Variants in MAML2 observed in about 807,000 individuals in gnomAD.
The protein encoded by MAML2 is mastermind-like protein 2.
Under a neutral mutation model 96.1 loss-of-function variants are expected in MAML2, and 22 were observed. The ratio of observed to expected loss-of-function variants is 0.23; its 90% CI spans 0.16 to 0.33. The LOEUF (loss-of-function observed/expected upper bound fraction) is 0.33. Ranked by LOEUF, MAML2 falls within the 10% of genes least tolerant of loss-of-function variation. The probability of loss-of-function intolerance (pLI) is 1.00; values close to 1 mark genes in which losing one functional copy is unlikely to be tolerated. For synonymous variants in MAML2, 561 were observed against 521.3 expected (o/e 1.08, Z -1.04); for missense variants, 1,367 against 1,392.4 (o/e 0.98, Z 0.29).
At chr11:96,221,934 A>G (rs974517851) in intron 1 of MAML2, among the ~76,000 whole-genome samples, 2 of 151,996 alleles carry the variant, frequency 1.3e-5, no homozygotes, top group Admixed American at 6.6e-5. Flanking sequence ...TTCATTCCCT[A>G]TTTCCAATAC....
chr11:96,149,002 G>A (rs1277001615), intron 1 of MAML2, among the ~76,000 whole-genome samples: 3 of 152,224 alleles, frequency 2.0e-5, no homozygotes, highest in East Asian at 1.9e-4. Flanking sequence ...CTTAAACCTC[G>A]TCACTTTAGG....
At chr11:96,068,809 G>C (rs1389396383) in intron 2 of MAML2, among the ~76,000 whole-genome samples, 2 of 141,302 alleles carry the variant, frequency 1.4e-5, no homozygotes, top group African/African-American at 2.7e-5. Context: ...CAGCCTGGGC[G>C]ACAGAGCAAG....
chr11:96,329,939 T>G (rs759381728), intron 1 of MAML2, among the ~76,000 whole-genome samples: 1 of 152,194 alleles, frequency 6.6e-6, no homozygotes, highest in Non-Finnish European at 1.5e-5. Context: ...ACCTAGAAGA[T>G]CGAATGCAAT....
intron 1 of MAML2, among the ~76,000 whole-genome samples, chr11:96,292,497 G>A (rs1863227564): frequency 6.6e-6 from 1 of 152,218 alleles, no homozygotes; most frequent in Admixed American, 6.5e-5. Context: ...AGGCCAAGAA[G>A]TTAATTCATC....
intron 1 of MAML2, among the ~76,000 whole-genome samples, chr11:96,251,800 T>C (rs962465825): frequency 4.1e-4 from 62 of 151,586 alleles, no homozygotes; most frequent in African/African-American, 1.5e-3. Flanking sequence ...GACGCGATCT[T>C]GGCTCACTGC....
intron 1 of MAML2, among the ~76,000 whole-genome samples, chr11:96,317,055 G>C (rs747946997): frequency 1.3e-5 from 2 of 152,136 alleles, no homozygotes; most frequent in African/African-American, 2.4e-5. Context: ...GGTTTTACTC[G>C]TCCTTCAGCT....
At chr11:96,071,310 C>T (rs11021419) in intron 2 of MAML2, among the ~76,000 whole-genome samples, 51,188 of 152,250 alleles carry the variant, frequency 0.34, 9,851 homozygotes, top group Non-Finnish European at 0.43. Context: ...GCACCTGGAA[C>T]CGTCCTGAAC....
chr11:96,060,315 T>C (rs1333223878), intron 2 of MAML2, among the ~76,000 whole-genome samples: 1 of 152,210 alleles, frequency 6.6e-6, no homozygotes, highest in Non-Finnish European at 1.5e-5. Context: ...ACCAGTGATG[T>C]TTCTAATATA....
chr11:96,027,220 A>G (rs559468480), intron 2 of MAML2, among the ~76,000 whole-genome samples: 1 of 149,942 alleles, frequency 6.7e-6, no homozygotes, highest in Non-Finnish European at 1.5e-5. Context: ...TTATTCATTC[A>G]TTCATTCATT....
intron 1 of MAML2, among the ~76,000 whole-genome samples, chr11:96,228,602 T>C (rs1862247264): frequency 6.6e-6 from 1 of 152,242 alleles, no homozygotes. Flanking sequence ...GACATTTTAC[T>C]TTTGAGAACA....
chr11:95,980,112 C>G lies in MAML2; in HGVS notation c.2456-149G>C, dbSNP rs554298831. On this transcript the variant is annotated intron_variant, in intron 4 of 4. Transcript: ENST00000524717. ...GATCAAATAAATTATATAAAAGGAACAAGACAGCTCTTAGGAGGAAGGAGC... is the reference window on the plus strand; with the variant it reads ...GATCAAATAAATTATATAAAAGGAAGAAGACAGCTCTTAGGAGGAAGGAGC... 2.1e-5 allele frequency: 14 copies of G among 673,404 alleles called. 1 individual carries two copies. Among genetic ancestry groups the G allele is most frequent in the Middle Eastern group, 4.1e-4 (1 of 2,430 alleles). The allele number at this position is 673,404 out of a possible 1,614,324, so 41.7% of individuals were successfully genotyped here. A position where few individuals can be genotyped will look rare whatever the true frequency, so the allele number is the denominator to read the frequency against.
chr11:96,068,091 A>T (rs1453101076), intron 2 of MAML2, among the ~76,000 whole-genome samples: 3 of 152,210 alleles, frequency 2.0e-5, no homozygotes, highest in African/African-American at 7.2e-5. Flanking sequence ...TTTCTTCTTA[A>T]TGTAGTTAAA....
At chr11:96,014,124 C>T (rs766181425) in intron 2 of MAML2, among the ~76,000 whole-genome samples, 7 of 152,132 alleles carry the variant, frequency 4.6e-5, no homozygotes, top group African/African-American at 9.7e-5. Flanking sequence ...ACTGATGAAG[C>T]GAGCCACTTC....
chr11:96,147,945 C>G (rs1277332680), intron 1 of MAML2, among the ~76,000 whole-genome samples: 7 of 152,178 alleles, frequency 4.6e-5, no homozygotes, highest in African/African-American at 1.7e-4. Context: ...TCTGAAAGAA[C>G]AGTCAGGGGC....
chr11:96,007,432 T>C (rs1181742197), intron 2 of MAML2, among the ~76,000 whole-genome samples: 2 of 152,202 alleles, frequency 1.3e-5, no homozygotes, highest in Non-Finnish European at 2.9e-5. Flanking sequence ...GGCAGGTCTA[T>C]CTTGGCACCT....
intron 1 of MAML2, among the ~76,000 whole-genome samples, chr11:96,105,334 A>C (rs1391351880): frequency 2.0e-5 from 3 of 152,200 alleles, no homozygotes; most frequent in East Asian, 1.9e-4. Context: ...TGGAGATTAC[A>C]TCTCCACCAA....
intron 2 of MAML2, among the ~76,000 whole-genome samples, chr11:96,076,806 C>T (rs1375575642): frequency 1.3e-5 from 2 of 152,220 alleles, no homozygotes; most frequent in Non-Finnish European, 2.9e-5. Context: ...GCTCATACTT[C>T]TTGCTGCTGT....
chr11:96,307,987 T>C lies in MAML2; in HGVS notation c.513+33396A>G, dbSNP rs759189858. On this transcript the variant is annotated intron_variant, in intron 1 of 4. Coordinates refer to ENST00000524717, the MANE Select transcript of MAML2 (RefSeq NM_032427.4). ...AAGAGAGTCCTGGCTTCATGTGGTTTTGAATGCTGATTGTTCTACTCTGGA... is the reference window on the plus strand; with the variant it reads ...AAGAGAGTCCTGGCTTCATGTGGTTCTGAATGCTGATTGTTCTACTCTGGA... 9.9e-5 allele frequency among the ~76,000 whole-genome samples: 15 copies of C among 152,272 alleles called. 1 individual carries two copies. Among genetic ancestry groups the C allele is most frequent in the Admixed American group, 4.6e-4 (7 of 15,286 alleles).
At chr11:95,998,114 TTCTA>T (rs1326181166) in intron 2 of MAML2, among the ~76,000 whole-genome samples, 67 of 140,480 alleles carry the variant, frequency 4.8e-4, no homozygotes, top group African/African-American at 1.7e-3. Flanking sequence ...TTATCCACTT[TTCTA>T]TCTATCTGTC....
Sources: gnomAD v4.1 joint callset for allele counts (sites outside exome capture counted in the v4.1 genomes callset) on GRCh38, gnomAD v4.1.1 for gene constraint, MANE v1.5 for transcripts, NCBI Gene and HGNC (gene_info 2026-07-23, HGNC 2026-07-21) for gene names.